Variants in RYR2 observed in about 807,000 individuals in gnomAD.
RYR2 encodes cardiac muscle ryanodine receptor-calcium release channel.
In RYR2, 227 loss-of-function variants were observed where a neutral mutation model predicts 601.1. The ratio of observed to expected loss-of-function variants is 0.38; its 90% CI spans 0.34 to 0.42. The LOEUF (loss-of-function observed/expected upper bound fraction) is 0.42, where lower values mean the gene tolerates loss of function less well. RYR2 is among the 10% of genes least tolerant of loss of function. The pLI, the probability that RYR2 is intolerant of heterozygous loss-of-function variation, is 1.00. For missense variants in RYR2, 4,646 were observed against 6,156.5 expected (o/e 0.75, Z 8.21); for synonymous variants, 2,223 against 2,175.1 (o/e 1.02, Z -0.61).
chr1:237,438,357 T>G (rs1301901128), intron 12 of RYR2, among the ~76,000 whole-genome samples: 1 of 152,224 alleles, frequency 6.6e-6, no homozygotes, highest in Non-Finnish European at 1.5e-5. Flanking sequence ...TTCTAGTTTC[T>G]TTGTATCTGC....
intron 23 of RYR2, among the ~76,000 whole-genome samples, chr1:237,510,184 G>C (rs1665743449): frequency 6.6e-6 from 1 of 152,206 alleles, no homozygotes; most frequent in Non-Finnish European, 1.5e-5. Context: ...AGGTACCTCA[G>C]GTGAGAGGCG....
chr1:237,270,342 G>A (rs541176004), intron 1 of RYR2, 155 bp from the exon 2 acceptor site: 92 of 1,056,332 alleles, frequency 8.7e-5, no homozygotes, highest in Admixed American at 8.0e-4. Context: ...GATTGATTCC[G>A]TAGGGGTTTC....
In RYR2 at chr1:237,593,576, T is replaced by C. The variant is rs1060500158; in HGVS notation, c.4376T>C (p.Leu1459Ser). ...DFHQYDTGFD[L>S]DRVRTVTVTL... The stretch of plus-strand genomic sequence containing the variant: ...CATCAGTATGACACAGGCTTTGACT[T>C]GGACAGAGTTCGCACAGTAACAGTT... The change falls in exon 33 of 105, where the codon TTG becomes TCG. Residue 1459 changes from leucine (L) to serine (S), a missense_variant. Coordinates refer to ENST00000366574, the MANE Select transcript of RYR2 (RefSeq NM_001035.3). 1 of 1,613,930 alleles carries C rather than the reference T, an allele frequency of 6.2e-7. No individual in the cohort carries two copies. Among genetic ancestry groups the C allele is most frequent in the East Asian group, 2.2e-5 (1 of 44,854 alleles).
At chr1:237,790,998 C>G (rs1286451888) in intron 92 of RYR2, among the ~76,000 whole-genome samples, 1 of 152,040 alleles carries the variant, frequency 6.6e-6, no homozygotes, top group Non-Finnish European at 1.5e-5. Flanking sequence ...CTCAGGGCCT[C>G]TGCCCTTGTT....
intron 1 of RYR2, among the ~76,000 whole-genome samples, chr1:237,118,298 A>C (rs1670364151): frequency 6.6e-6 from 1 of 151,988 alleles, no homozygotes; most frequent in Admixed American, 6.6e-5. Context: ...CTCACCTTAC[A>C]GAAAGTCCTT....
At chr1:237,107,304 G>C (rs781133896) in intron 1 of RYR2, among the ~76,000 whole-genome samples, 2 of 151,486 alleles carry the variant, frequency 1.3e-5, no homozygotes, top group African/African-American at 4.8e-5. Flanking sequence ...GGCGGATCAC[G>C]AGGTCAGGAG....
intron 29 of RYR2, among the ~76,000 whole-genome samples, chr1:237,571,082 T>G (rs1020639567): frequency 3.9e-5 from 6 of 152,126 alleles, no homozygotes; most frequent in Non-Finnish European, 8.8e-5. Flanking sequence ...GAGCTGTGAT[T>G]GTGCCACTGT....
At chr1:237,701,939 G>C (rs1688002232) in intron 65 of RYR2, 39 bp from the exon 66 acceptor site, 1 of 1,148,284 alleles carries the variant, frequency 8.7e-7, no homozygotes, top group Non-Finnish European at 1.3e-6. Flanking sequence ...GTATAAATAA[G>C]TGGGTTTTTC....
chr1:237,088,341 G>C (rs1666587109), intron 1 of RYR2, among the ~76,000 whole-genome samples: 1 of 152,188 alleles, frequency 6.6e-6, no homozygotes, highest in African/African-American at 2.4e-5. Context: ...GATAAAGAGA[G>C]ATAGGATGCA....
intron 29 of RYR2, among the ~76,000 whole-genome samples, chr1:237,588,812 G>A (rs544852633): frequency 2.1e-5 from 3 of 143,328 alleles, no homozygotes; most frequent in South Asian, 2.3e-4. Flanking sequence ...CAGCCTGGGT[G>A]ACAGAACGAG....
intron 29 of RYR2, among the ~76,000 whole-genome samples, chr1:237,578,877 T>A (rs1387135956): frequency 2.0e-5 from 3 of 152,172 alleles, no homozygotes; most frequent in African/African-American, 2.4e-5. Context: ...AGTCCTGCAG[T>A]GAATGGCTTA....
At chr1:237,581,199 G>A (rs946440333) in intron 29 of RYR2, among the ~76,000 whole-genome samples, 1 of 152,140 alleles carries the variant, frequency 6.6e-6, no homozygotes, top group Non-Finnish European at 1.5e-5. Context: ...TTTATGTTTG[G>A]AGATTACCAC....
At chr1:237,626,589 T>C (rs1359647312) in intron 40 of RYR2, among the ~76,000 whole-genome samples, 3 of 116,420 alleles carry the variant, frequency 2.6e-5, no homozygotes, top group African/African-American at 3.9e-5. Context: ...TCTTTTTTTT[T>C]TTTTTTTTTT....
intron 25 of RYR2, among the ~76,000 whole-genome samples, chr1:237,541,601 C>A (rs1669265697): frequency 6.6e-6 from 1 of 152,006 alleles, no homozygotes; most frequent in African/African-American, 2.4e-5. Context: ...GTGAAGAGAC[C>A]ACCAAACAGG....
intron 99 of RYR2, among the ~76,000 whole-genome samples, chr1:237,807,476 C>T (rs578034236): frequency 1.3e-5 from 2 of 152,272 alleles, no homozygotes; most frequent in South Asian, 4.1e-4. Flanking sequence ...CTCAGCCTCC[C>T]GCATAGCTGG....
At chr1:237,319,543 C>T (rs1233815310) in intron 2 of RYR2, among the ~76,000 whole-genome samples, 1 of 152,054 alleles carries the variant, frequency 6.6e-6, no homozygotes, top group Admixed American at 6.5e-5. Context: ...CCAATAACGT[C>T]ATTGCTTAAT....
intron 63 of RYR2, among the ~76,000 whole-genome samples, chr1:237,698,373 G>C (rs996225454): frequency 2.6e-5 from 4 of 151,924 alleles, no homozygotes; most frequent in African/African-American, 9.7e-5. Context: ...AAATCTCAGA[G>C]GAGTATTATT....
intron 68 of RYR2, among the ~76,000 whole-genome samples, chr1:237,707,520 A>G (rs1243004485): frequency 1.3e-5 from 2 of 152,220 alleles, no homozygotes; most frequent in East Asian, 3.8e-4. Flanking sequence ...TAAACACAGC[A>G]GTAAAAACTA....
In RYR2 at chr1:237,550,710, C is replaced by T. The variant is rs1204682788; in HGVS notation, c.3214+19C>T. The T allele has an allele frequency of 6.5e-7, 1 of 1,537,830 alleles. No individual in the cohort carries two copies. Among genetic ancestry groups the T allele is most frequent in the Admixed American group, 2.1e-5 (1 of 48,102 alleles). On this transcript the variant is annotated intron_variant, in intron 27 of 104. Coordinates refer to ENST00000366574, the MANE Select transcript of RYR2 (RefSeq NM_001035.3). ...GATCATGGTATTTTGGTTTTACTTTCCTCTTCTTCGGTTGCAAGATGATGT... is the reference window on the plus strand; with the variant it reads ...GATCATGGTATTTTGGTTTTACTTTTCTCTTCTTCGGTTGCAAGATGATGT...
Sources: gnomAD v4.1 joint callset for allele counts (sites outside exome capture counted in the v4.1 genomes callset) on GRCh38, gnomAD v4.1.1 for gene constraint, MANE v1.5 for transcripts, NCBI Gene and HGNC (gene_info 2026-07-23, HGNC 2026-07-21) for gene names.